Variants in GSE1 observed in about 807,000 individuals in gnomAD.
GSE1 encodes Gse1 coiled-coil protein, also known as genetic suppressor element 1.
GSE1 carries 32 observed loss-of-function variants against 112.6 expected under a neutral mutation model. The observed-to-expected ratio is 0.28, with a 90% CI of 0.21 to 0.38. GSE1 has a LOEUF of 0.38. Among genes scored for constraint, GSE1 ranks in the 10% least tolerant of loss-of-function variants. The pLI is 1.00. For synonymous variants in GSE1, 1,115 were observed against 735.6 expected, an observed-to-expected ratio of 1.52 and a Z score of -8.35; for missense variants, 2,348 against 1,699.2, an observed-to-expected ratio of 1.38 and a Z score of -6.71.
In GSE1 at chr16:85,371,303, G is replaced by A. The variant is rs114427738; in HGVS notation, c.2464+13660G>A. ...GGTGAGTCCCCGGGGATGGCCCCAC[G>A]CAGCGCCATGGAGGAGCCAGGGAGT... On this transcript the variant is annotated intron_variant, in intron 2 of 2. Transcript: ENST00000637419. Among the ~76,000 whole-genome samples, 620 of 152,332 alleles carry A rather than the reference G, an allele frequency of 4.1e-3. 7 individuals carry two copies. The highest frequency in any genetic ancestry group is 0.014 in the African/African-American group (591 of 41,576).
At chr16:85,250,729 G>C (rs1429002772) in intron 1 of GSE1, among the ~76,000 whole-genome samples, 1 of 152,108 alleles carries the variant, frequency 6.6e-6, no homozygotes, top group African/African-American at 2.4e-5. Context: ...GTGGTTTTGA[G>C]GATATTCACA....
intron 1 of GSE1, among the ~76,000 whole-genome samples, chr16:85,576,262 A>T (rs1428617748): frequency 6.6e-6 from 1 of 152,232 alleles, no homozygotes; most frequent in Non-Finnish European, 1.5e-5. Flanking sequence ...AGTCTCTTGG[A>T]TTCCAGAGGG....
intron 1 of GSE1, among the ~76,000 whole-genome samples, chr16:85,281,428 C>T (rs1486862490): frequency 6.6e-6 from 1 of 152,112 alleles, no homozygotes; most frequent in East Asian, 1.9e-4. Context: ...ATAATTATTA[C>T]TCATATCCCC....
chr16:85,544,198 G>T (rs954269016), intron 2 of GSE1, among the ~76,000 whole-genome samples: 1 of 152,156 alleles, frequency 6.6e-6, no homozygotes, highest in African/African-American at 2.4e-5. Flanking sequence ...CGAGGCCGGG[G>T]ATGTTGCTAA....
intron 1 of GSE1, among the ~76,000 whole-genome samples, chr16:85,286,612 G>A (rs2968428): frequency 0.023 from 3,544 of 152,300 alleles, 125 homozygotes; most frequent in African/African-American, 0.081. Flanking sequence ...AACAGTCATC[G>A]TGGGCAGCTC....
intron 2 of GSE1, among the ~76,000 whole-genome samples, chr16:85,412,866 A>G (rs538215777): frequency 2.0e-5 from 3 of 152,272 alleles, no homozygotes; most frequent in African/African-American, 7.2e-5. Flanking sequence ...CACAGGTTCC[A>G]GGGATGAGGA....
intron 1 of GSE1, among the ~76,000 whole-genome samples, chr16:85,342,728 TTAGCTGTTCA>T (rs1597441912): frequency 6.6e-6 from 1 of 152,044 alleles, no homozygotes; most frequent in African/African-American, 2.4e-5. Context: ...ACCCTAAGGA[TTAGCTGTTCA>T]TAGCCACTGG....
intron 13 of GSE1, 77 bp from the exon 14 acceptor site, chr16:85,668,063 G>A (rs559523719): frequency 1.8e-6 from 2 of 1,126,042 alleles, no homozygotes; most frequent in African/African-American, 1.6e-5. Flanking sequence ...ACCAAGGGCA[G>A]AGCAGAGCTC....
At chr16:85,375,661 G>C (rs1216112813) in intron 2 of GSE1, among the ~76,000 whole-genome samples, 1 of 151,886 alleles carries the variant, frequency 6.6e-6, no homozygotes, top group South Asian at 2.1e-4. Flanking sequence ...GTCTTCCCTC[G>C]CCGGGCACCT....
chr16:85,309,827 C>G (rs2045785281), intron 1 of GSE1, among the ~76,000 whole-genome samples: 1 of 152,244 alleles, frequency 6.6e-6, no homozygotes, highest in African/African-American at 2.4e-5. Flanking sequence ...TGGACGCGGC[C>G]AAGAAACATC....
rs751161965 is a variant in GSE1, at chr16:85,478,909, TTC to T, written c.2464+121268_2464+121269del. On this transcript the variant is annotated intron_variant, in intron 2 of 2. Coordinates refer to the GSE1 transcript ENST00000637419. ...TTTCTTTCTTTCTTTCTTTCTTTCTTTCTTTCTTTCTTTCTTTCTCTTTCTTT... is the reference window on the plus strand; with the variant it reads ...TTTCTTTCTTTCTTTCTTTCTTTCTTTTTCTTTCTTTCTTTCTCTTTCTTT... 2.8e-3 allele frequency among the ~76,000 whole-genome samples: 196 copies of T among 70,324 alleles called. 4 individuals are homozygous for T. Among genetic ancestry groups the T allele is most frequent in the South Asian group, 4.2e-3 (8 of 1,886 alleles). 46.1% of individuals were successfully genotyped at this position (70,324 alleles called of 152,430 possible). A position where few individuals can be genotyped will look rare whatever the true frequency, so the allele number is the denominator to read the frequency against.
chr16:85,526,253 T>C (rs1182338458), intron 2 of GSE1, among the ~76,000 whole-genome samples: 1 of 152,264 alleles, frequency 6.6e-6, no homozygotes, highest in Non-Finnish European at 1.5e-5. Context: ...GAGAACCCTC[T>C]CCACAGTCCC....
At chr16:85,307,322 C>A (rs1022003885) in intron 1 of GSE1, among the ~76,000 whole-genome samples, 1 of 152,204 alleles carries the variant, frequency 6.6e-6, no homozygotes, top group African/African-American at 2.4e-5. Context: ...TAACCACCTG[C>A]GACGTTCCAA....
At chr16:85,240,368 G>GC (rs35571038) in intron 1 of GSE1, among the ~76,000 whole-genome samples, 1 of 152,076 alleles carries the variant, frequency 6.6e-6, no homozygotes, top group South Asian at 2.1e-4. Context: ...GTTGGCTCAG[G>GC]CCCCCTCAGG....
chr16:85,500,251 G>A (rs1244466533), intron 2 of GSE1, among the ~76,000 whole-genome samples: 1 of 152,192 alleles, frequency 6.6e-6, no homozygotes, highest in Non-Finnish European at 1.5e-5. Context: ...AAAAACAAAT[G>A]GGAACGTGTT....
chr16:85,611,695 G>A (rs2047994031), upstream of GSE1, among the ~76,000 whole-genome samples: 1 of 152,140 alleles, frequency 6.6e-6, no homozygotes, highest in Non-Finnish European at 1.5e-5. Context: ...CGTGGGGCCT[G>A]AGGGAGCCCG....
At position 85,403,003 on chromosome 16, in the gene GSE1, G is replaced by C. The variant is rs567114219; in HGVS notation, c.2464+45360G>C. On this transcript the variant is annotated intron_variant, in intron 2 of 2. Transcript: ENST00000637419. ...TGTGCGGGTCAGGGATCCGGATCCA[G>C]CTTAGCCGGGCCTCCTGGGTATCAG... Among the ~76,000 whole-genome samples, 5 of 152,148 alleles carry C rather than the reference G, an allele frequency of 3.3e-5. 1 individual carries two copies. In the East Asian group the frequency reaches 9.7e-4, roughly 29 times the overall value.
chr16:85,376,277 G>T (rs1464105358), intron 2 of GSE1, among the ~76,000 whole-genome samples: 2 of 152,208 alleles, frequency 1.3e-5, no homozygotes, highest in East Asian at 1.9e-4. Flanking sequence ...CTCTCTCCGG[G>T]AAATGGGGAT....
intron 2 of GSE1, among the ~76,000 whole-genome samples, chr16:85,645,191 A>T (rs1048961661): frequency 1.3e-5 from 2 of 151,840 alleles, no homozygotes; most frequent in Non-Finnish European, 2.9e-5. Context: ...TGGCTAGTCC[A>T]TCTGGGGGTC....
Sources: allele counts gnomAD v4.1 joint callset (sites outside exome capture counted in the v4.1 genomes callset), GRCh38; gene constraint gnomAD v4.1.1; transcripts MANE v1.5; gene names NCBI Gene and HGNC (gene_info 2026-07-23, HGNC 2026-07-21).